The following EBF4 variants were observed in gnomAD, a reference collection of about 807,000 sequenced individuals.
The protein encoded by EBF4 is EBF transcription factor 4, also known as transcription factor COE4.
In EBF4, 34 loss-of-function variants were observed where a neutral mutation model predicts 67.1. The observed-to-expected ratio is 0.51, with a 90% CI of 0.39 to 0.67. EBF4 has a LOEUF of 0.67. Among genes scored for constraint, EBF4 ranks in the 30% least tolerant of loss-of-function variants. EBF4 has a pLI of 0.00. For synonymous variants in EBF4, 387 were observed against 377.7 expected, an observed-to-expected ratio of 1.02 and a Z score of -0.29; for missense variants, 837 against 873.3, an observed-to-expected ratio of 0.96 and a Z score of 0.52.
chr20:2,752,162 C>A, exon 13 of EBF4: 3 of 1,446,038 alleles, frequency 2.1e-6, no homozygotes, highest in Non-Finnish European at 2.7e-6. Context: ...CCGCTCGCAC[C>A]CCTGGCCCCG....
chr20:2,751,796 G>C lies in EBF4; in HGVS notation c.1107+8G>C. On this transcript the variant is annotated splice_region_variant and intron_variant, in intron 11 of 16. Transcript: ENST00000609451. This position sits in a 1 kb window ranked among gnomAD's most constrained non-coding sequence, Gnocchi z 5.2. The stretch of plus-strand genomic sequence containing the variant: ...CCCGAGAGGCTGCCCAAGGTACTCA[G>C]AGGGGCGGGGCGGGGCGGGGCTGAG... The C allele has an allele frequency of 1.3e-6, 2 of 1,548,764 alleles. No individual in the cohort carries two copies. The highest frequency in any genetic ancestry group is 1.7e-6 in the Non-Finnish European group (2 of 1,145,860).
At chr20:2,753,132 A>G (rs1306881584) in intron 14 of EBF4, among the ~76,000 whole-genome samples, 1 of 152,212 alleles carries the variant, frequency 6.6e-6, no homozygotes. Flanking sequence ...GCATTCAGCA[A>G]GTTACTTATT....
At chr20:2,744,173 C>G (rs946507284) in intron 6 of EBF4, among the ~76,000 whole-genome samples, 1 of 151,788 alleles carries the variant, frequency 6.6e-6, no homozygotes, top group African/African-American at 2.4e-5. Flanking sequence ...CTCCGCCTCC[C>G]GGGTTCAAGT....
intron 6 of EBF4, among the ~76,000 whole-genome samples, chr20:2,725,758 G>A (rs1386927046): frequency 6.6e-6 from 1 of 152,228 alleles, no homozygotes; most frequent in Non-Finnish European, 1.5e-5. Context: ...GTTCCTCAGA[G>A]GATCCAGGGC....
At chr20:2,700,324 G>C (rs1267966472) in intron 1 of EBF4, among the ~76,000 whole-genome samples, 1 of 151,932 alleles carries the variant, frequency 6.6e-6, no homozygotes, top group Non-Finnish European at 1.5e-5. Flanking sequence ...TCTGCTTCTC[G>C]GGGAACCCAA....
intron 10 of EBF4, among the ~76,000 whole-genome samples, chr20:2,750,976 T>A (rs2088135552): frequency 6.6e-6 from 1 of 151,780 alleles, no homozygotes; most frequent in African/African-American, 2.4e-5. Flanking sequence ...CTGAGACTGG[T>A]GGATTAGGTC....
At chr20:2,709,607 G>T in exon 6 of EBF4, 2 of 1,557,588 alleles carry the variant, frequency 1.3e-6, no homozygotes, top group Non-Finnish European at 1.7e-6. Context: ...GTGGCAACCG[G>T]AATGAGACGC....
At chr20:2,708,162 A>G in intron 5 of EBF4, 142 bp downstream of exon 5, 1 of 874,442 alleles carries the variant, frequency 1.1e-6, no homozygotes, top group Non-Finnish European at 1.7e-6. Context: ...CAGGTGATGA[A>G]GGGAGTGGTG....
chr20:2,710,558 T>C (rs1252552704), intron 6 of EBF4, among the ~76,000 whole-genome samples: 2 of 128,288 alleles, frequency 1.6e-5, no homozygotes, highest in Admixed American at 7.5e-5. Context: ...GAGCATACTG[T>C]ACATGTTTTT....
chr20:2,751,962 T>C lies in EBF4; in HGVS notation c.1148T>C (p.Leu383Pro). Residue 383 changes from leucine (L) to proline (P), a missense_variant, in exon 12 of 17, where the codon CTG becomes CCG. This residue lies in a region of EBF4 where 525 missense variants were observed against 496.5 expected (regional missense o/e 1.06). Coordinates refer to ENST00000609451, the Ensembl canonical transcript of EBF4. This position sits in a 1 kb window ranked among gnomAD's most constrained non-coding sequence, Gnocchi z 5.2. ...CGGGCGGCCGACTTGGCAGAAGCCCTGTACGGAGTGCCCGGCAGTAACCAG... is the reference window on the plus strand; with the variant it reads ...CGGGCGGCCGACTTGGCAGAAGCCCCGTACGGAGTGCCCGGCAGTAACCAG... 1 of 1,548,854 alleles carries C rather than the reference T, an allele frequency of 6.5e-7. No individual in the cohort carries two copies. Among genetic ancestry groups the C allele is most frequent in the Non-Finnish European group, 8.7e-7 (1 of 1,146,726 alleles).
chr20:2,746,772 G>A lies in EBF4; in HGVS notation c.558-1777G>A, dbSNP rs571831839. 9.2e-5 allele frequency among the ~76,000 whole-genome samples: 14 copies of A among 152,284 alleles called. No individual in the cohort carries two copies. In the East Asian group the frequency reaches 2.5e-3, roughly 27 times the overall value. Reference sequence around the variant, plus strand: ...CCCCAGGTTTGGGACTCTTGTATTTGCTTTAGTAAATAGTATGGTAAAAAT... The same window carrying A: ...CCCCAGGTTTGGGACTCTTGTATTTACTTTAGTAAATAGTATGGTAAAAAT... On this transcript the variant is annotated intron_variant, in intron 6 of 16. Coordinates refer to ENST00000609451, the Ensembl canonical transcript of EBF4.
At chr20:2,721,246 C>CTTTTTTTTTTTT (rs146844927) in intron 6 of EBF4, among the ~76,000 whole-genome samples, 16 of 108,080 alleles carry the variant, frequency 1.5e-4, no homozygotes, top group Non-Finnish European at 1.7e-4. Context: ...TGATTCTCTT[C>CTTTTTTTTTTTT]TTTTTTTTTT....
At chr20:2,715,348 A>G (rs2087594374) in intron 6 of EBF4, among the ~76,000 whole-genome samples, 1 of 152,278 alleles carries the variant, frequency 6.6e-6, no homozygotes, top group Admixed American at 6.5e-5. Flanking sequence ...ATCTTGTTGT[A>G]TTTAGCTGTA....
At position 2,706,276 on chromosome 20, in the gene EBF4, C is replaced by CAG; in HGVS notation, c.414+15_414+16dup. Reference sequence around the variant, plus strand: ...CCATGTCCAAACAGGTGAGTCAGCGCAGAGGGTGCTGAGGCCCATCTCACT... The same window carrying CAG: ...CCATGTCCAAACAGGTGAGTCAGCGCAGAGAGGGTGCTGAGGCCCATCTCACT... On this transcript the variant is annotated intron_variant, in intron 4 of 16. Transcript: ENST00000609451. The CAG allele has an allele frequency of 6.4e-7, 1 of 1,551,848 alleles. No individual in the cohort carries two copies. Among genetic ancestry groups the CAG allele is most frequent in the Non-Finnish European group, 8.7e-7 (1 of 1,147,094 alleles).
At chr20:2,697,442 G>C (rs570636211) in intron 1 of EBF4, among the ~76,000 whole-genome samples, 2 of 152,168 alleles carry the variant, frequency 1.3e-5, no homozygotes, top group African/African-American at 4.8e-5. Context: ...CTACTCAGGA[G>C]GCTGAGGCAG....
At chr20:2,749,587 G>A in intron 8 of EBF4, 33 bp from the exon 9 acceptor site, 2 of 1,549,038 alleles carry the variant, frequency 1.3e-6, no homozygotes, top group Non-Finnish European at 1.7e-6. Flanking sequence ...CCTCAGCGCG[G>A]TCCCCTGACC....
Position 2,746,987 on chromosome 20 carries a change from C to T in EBF4, c.558-1562C>T, listed in dbSNP as rs573261511. ...GCATAAGGCAGACACTGATCATATTCCGAGTTTACCAAGAGTTAAACAGGG... is the reference window on the plus strand; with the variant it reads ...GCATAAGGCAGACACTGATCATATTTCGAGTTTACCAAGAGTTAAACAGGG... On this transcript the variant is annotated intron_variant, in intron 6 of 16. Transcript: ENST00000609451. 2.2e-4 allele frequency among the ~76,000 whole-genome samples: 34 copies of T among 152,288 alleles called. 1 individual carries two copies. The South Asian group carries it at 6.8e-3, about 31-fold the overall frequency.
At position 2,693,625 on chromosome 20, in the gene EBF4, G is replaced by A. The variant is rs943948492; in HGVS notation, c.-21G>A. ...GGACCGGATCCGGGGCGGCGGGGGCGCTCACTCACCGCGCGCCCTCATGTT... is the reference window on the plus strand; with the variant it reads ...GGACCGGATCCGGGGCGGCGGGGGCACTCACTCACCGCGCGCCCTCATGTT... On this transcript the variant is annotated 5_prime_UTR_variant, in exon 1 of 17. Transcript: ENST00000609451. This position sits in a 1 kb window ranked among gnomAD's most constrained non-coding sequence, Gnocchi z 4.6. The A allele has an allele frequency of 6.5e-6, 9 of 1,374,700 alleles. No homozygotes were observed. The highest frequency in any genetic ancestry group is 2.7e-4 in the Middle Eastern group (1 of 3,756). The allele number at this position is 1,374,700 out of a possible 1,614,324, so 85.2% of individuals were successfully genotyped here. A position where few individuals can be genotyped will look rare whatever the true frequency, so the allele number is the denominator to read the frequency against.
At chr20:2,719,549 A>G (rs1407828801) in intron 6 of EBF4, among the ~76,000 whole-genome samples, 1 of 152,188 alleles carries the variant, frequency 6.6e-6, no homozygotes, top group Non-Finnish European at 1.5e-5. Flanking sequence ...CTGGGATTAC[A>G]GGCATGAACC....
Sources: allele counts gnomAD v4.1 joint callset (sites outside exome capture counted in the v4.1 genomes callset), GRCh38; gene constraint gnomAD v4.1.1; regional missense constraint gnomAD v4.1.1; non-coding constraint Gnocchi (gnomAD v3.1); transcripts MANE v1.5; gene names NCBI Gene and HGNC (gene_info 2026-07-23, HGNC 2026-07-21).